Variants in PPP6R3 observed in about 807,000 individuals in gnomAD.
The protein encoded by PPP6R3 is protein phosphatase 6 regulatory subunit 3, also known as serine/threonine-protein phosphatase 6 regulatory subunit 3.
PPP6R3 carries 38 observed loss-of-function variants against 110.7 expected under a neutral mutation model. The ratio of observed to expected loss-of-function variants is 0.34; its 90% confidence interval spans 0.26 to 0.45. The LOEUF (loss-of-function observed/expected upper bound fraction) is 0.45. PPP6R3 is among the 20% of genes least tolerant of loss of function. The pLI is 1.00. For synonymous variants in PPP6R3, 369 were observed against 373.5 expected (o/e 0.99, Z 0.14); for missense variants, 870 against 1,062.4 (o/e 0.82, Z 2.52).
chr11:68,464,509 T>G (rs77401243), intron 1 of PPP6R3, among the ~76,000 whole-genome samples: 38 of 152,232 alleles, frequency 2.5e-4, no homozygotes, highest in Admixed American at 4.6e-4. Context: ...ACACCACAGG[T>G]TTAGGGACTG....
At chr11:68,592,397 C>G (rs1168952276) in intron 18 of PPP6R3, among the ~76,000 whole-genome samples, 1 of 152,152 alleles carries the variant, frequency 6.6e-6, no homozygotes, top group African/African-American at 2.4e-5. Context: ...GCCTAGAATT[C>G]AAAGGGAATC....
chr11:68,479,479 A>T (rs1030367749), intron 1 of PPP6R3, among the ~76,000 whole-genome samples: 2 of 152,168 alleles, frequency 1.3e-5, no homozygotes, highest in Non-Finnish European at 2.9e-5. Flanking sequence ...CATTCTTAAA[A>T]GGTTGTTTTG....
chr11:68,608,900 A>C (rs1274951128), intron 22 of PPP6R3, among the ~76,000 whole-genome samples: 2 of 149,112 alleles, frequency 1.3e-5, no homozygotes, highest in African/African-American at 4.9e-5. Context: ...GTAACTTTAC[A>C]AAGAAGGAAC....
chr11:68,599,851 C>T (rs774252016), intron 19 of PPP6R3, among the ~76,000 whole-genome samples: 9 of 151,822 alleles, frequency 5.9e-5, no homozygotes, highest in South Asian at 2.1e-4. Context: ...AGGCCAGGCG[C>T]GGTGGCTCAC....
chr11:68,511,064 T>C (rs534624396), intron 1 of PPP6R3, among the ~76,000 whole-genome samples: 2 of 146,802 alleles, frequency 1.4e-5, no homozygotes, highest in South Asian at 4.2e-4. Context: ...ATTACGACCA[T>C]GCATACTTTT....
chr11:68,544,405 A>G (rs1464861193), intron 3 of PPP6R3, among the ~76,000 whole-genome samples: 1 of 152,184 alleles, frequency 6.6e-6, no homozygotes, highest in African/African-American at 2.4e-5. Flanking sequence ...AAGTCATTAC[A>G]AGGTGCTGCA....
At chr11:68,607,746 A>G (rs1378432847) in intron 22 of PPP6R3, among the ~76,000 whole-genome samples, 1 of 151,612 alleles carries the variant, frequency 6.6e-6, no homozygotes, top group African/African-American at 2.4e-5. Context: ...TGCCTATCTA[A>G]TCTATCATCT....
At chr11:68,560,444 G>T (rs1375064665) in intron 8 of PPP6R3, among the ~76,000 whole-genome samples, 1 of 152,200 alleles carries the variant, frequency 6.6e-6, no homozygotes, top group Non-Finnish European at 1.5e-5. Flanking sequence ...GCATTAAACA[G>T]ATTCAGCAGT....
chr11:68,464,655 A>G (rs1370861649), intron 1 of PPP6R3, among the ~76,000 whole-genome samples: 1 of 152,188 alleles, frequency 6.6e-6, no homozygotes, highest in Non-Finnish European at 1.5e-5. Context: ...CTGAAGACTG[A>G]ACTTTAGAAG....
chr11:68,461,494 T>TGGGGGGG (rs61434771), intron 1 of PPP6R3, among the ~76,000 whole-genome samples: 10 of 83,286 alleles, frequency 1.2e-4, no homozygotes, highest in East Asian at 4.0e-4. Context: ...GAGCCGGGGG[T>TGGGGGGG]GGGGGGGGTG....
chr11:68,574,104 G>T lies in PPP6R3; in HGVS notation c.1344-5G>T. ...TCTGAGTATTTGTCCTTTACCTCTTGTCAGGGCTGAGGGAGGAAGACGGCA... is the reference window on the plus strand; with the variant it reads ...TCTGAGTATTTGTCCTTTACCTCTTTTCAGGGCTGAGGGAGGAAGACGGCA... On this transcript the variant is annotated splice_region_variant and splice_polypyrimidine_tract_variant and intron_variant, in intron 12 of 23. Transcript: ENST00000393800. 6.2e-7 allele frequency: 1 copy of T among 1,605,474 alleles called. No homozygotes were observed. The highest frequency in any genetic ancestry group is 1.3e-5 in the African/African-American group (1 of 74,832).
chr11:68,539,946 A>G (rs1026925070), intron 3 of PPP6R3, among the ~76,000 whole-genome samples: 7 of 152,196 alleles, frequency 4.6e-5, no homozygotes, highest in Admixed American at 3.3e-4. Flanking sequence ...ACATCCAGGC[A>G]GGGGGAACAG....
At chr11:68,480,776 C>T (rs1235487302) in intron 1 of PPP6R3, among the ~76,000 whole-genome samples, 1 of 152,162 alleles carries the variant, frequency 6.6e-6, no homozygotes, top group Non-Finnish European at 1.5e-5. Flanking sequence ...TTAAAAATTA[C>T]AATAGGGGAG....
intron 18 of PPP6R3, among the ~76,000 whole-genome samples, chr11:68,593,857 A>G (rs865813113): frequency 1.6e-4 from 25 of 152,252 alleles, no homozygotes; most frequent in Middle Eastern, 3.4e-3. Context: ...TGTCTCTACA[A>G]AAAATACAAA....
chr11:68,545,757 C>G (rs903567323), intron 4 of PPP6R3, among the ~76,000 whole-genome samples: 2 of 152,208 alleles, frequency 1.3e-5, no homozygotes, highest in Non-Finnish European at 2.9e-5. Context: ...AACTCTGATG[C>G]ATGCTAACAT....
rs2099323300 is a variant in PPP6R3, at chr11:68,542,396, T to TTTTTTTTTTTTTG, written c.228-2430_228-2429insGTTTTTTTTTTTT. On this transcript the variant is annotated intron_variant, in intron 3 of 23. Transcript: ENST00000393800. ...GGTGCTTGAGAAGCTGCTGTTTTTT[T>TTTTTTTTTTTTTG]TTTTTTTTTTTTTTTAAGACAGAGT... Among the ~76,000 whole-genome samples the TTTTTTTTTTTTTG allele has an allele frequency of 1.8e-5, 2 of 110,666 alleles. 1 individual carries two copies. Among genetic ancestry groups the TTTTTTTTTTTTTG allele is most frequent in the Non-Finnish European group, 3.7e-5 (2 of 54,700 alleles). The allele number at this position is 110,666 out of a possible 152,430, so 72.6% of individuals were successfully genotyped here.
intron 2 of PPP6R3, chr11:68,535,276 C>T (rs191512031): frequency 4.2e-4 from 64 of 152,324 alleles, no homozygotes; most frequent in African/African-American, 1.5e-3. Flanking sequence ...AGCATAGTGG[C>T]TGCTGTCAGT....
intron 12 of PPP6R3, 148 bp downstream of exon 12, chr11:68,571,252 G>A (rs2099504814): frequency 1.7e-6 from 2 of 1,150,026 alleles, no homozygotes; most frequent in South Asian, 1.8e-5. Context: ...TTATTTCATT[G>A]TAACAGTTGT....
At chr11:68,571,232 T>G in intron 12 of PPP6R3, 128 bp downstream of exon 12, 2 of 1,234,084 alleles carry the variant, frequency 1.6e-6, no homozygotes, top group South Asian at 1.7e-5. Flanking sequence ...AATTTAAACT[T>G]TTCCCCAGAT....
Sources: allele counts gnomAD v4.1 joint callset (sites outside exome capture counted in the v4.1 genomes callset), GRCh38; gene constraint gnomAD v4.1.1; transcripts MANE v1.5; gene names NCBI Gene and HGNC (gene_info 2026-07-23, HGNC 2026-07-21).